GRM7: variants seen among roughly 807,000 people sequenced by gnomAD.
GRM7 encodes glutamate metabotropic receptor 7.
Under a neutral mutation model 84.5 loss-of-function variants are expected in GRM7, and 35 were observed. The observed-to-expected ratio is 0.41, with a 90% CI of 0.32 to 0.55. GRM7 has a LOEUF of 0.55. Ranked by LOEUF, GRM7 falls within the 20% of genes least tolerant of loss-of-function variation. GRM7 has a pLI of 0.19. For synonymous variants in GRM7, 487 were observed against 455.1 expected (o/e 1.07, Z -0.89); for missense variants, 1,003 against 1,194.6 (o/e 0.84, Z 2.36).
At chr3:7,300,556 TC>T (rs1488107283) in intron 3 of GRM7, among the ~76,000 whole-genome samples, 1 of 152,160 alleles carries the variant, frequency 6.6e-6, no homozygotes, top group Non-Finnish European at 1.5e-5. Flanking sequence ...TCTGGCTGTT[TC>T]ACCTTTCTAG....
intron 4 of GRM7, among the ~76,000 whole-genome samples, chr3:7,366,223 A>G (rs779715462): frequency 1.1e-4 from 17 of 151,854 alleles, no homozygotes; most frequent in Non-Finnish European, 2.5e-4. Context: ...TCTGGATTCT[A>G]CTATCTTCTG....
intron 1 of GRM7, among the ~76,000 whole-genome samples, chr3:7,134,977 C>T (rs189050193): frequency 3.3e-4 from 50 of 152,228 alleles, no homozygotes; most frequent in Non-Finnish European, 5.9e-4. Flanking sequence ...AAAATGGTTA[C>T]AAACCACTCA....
chr3:7,582,746 C>T (rs1209934496), intron 8 of GRM7, among the ~76,000 whole-genome samples: 1 of 152,110 alleles, frequency 6.6e-6, no homozygotes, highest in Non-Finnish European at 1.5e-5. Context: ...TATTGGCAAA[C>T]TTTGAGCCAG....
chr3:7,385,796 A>G (rs1222882937), intron 4 of GRM7, among the ~76,000 whole-genome samples: 1 of 152,264 alleles, frequency 6.6e-6, no homozygotes, highest in Non-Finnish European at 1.5e-5. Flanking sequence ...TTGTTGGCAG[A>G]AGCCAAATAT....
intron 7 of GRM7, among the ~76,000 whole-genome samples, chr3:7,565,948 T>G (rs1694235277): frequency 6.6e-6 from 1 of 152,170 alleles, no homozygotes. Flanking sequence ...ATTTCCTGCA[T>G]GACATAAACT....
At chr3:7,015,176 T>C (rs1355580335) in intron 1 of GRM7, among the ~76,000 whole-genome samples, 1 of 146,908 alleles carries the variant, frequency 6.8e-6, no homozygotes, top group Non-Finnish European at 1.5e-5. Flanking sequence ...TTGGGTCCCC[T>C]TCCCTGCTGT....
chr3:7,339,499 C>T (rs372711837), intron 4 of GRM7, among the ~76,000 whole-genome samples: 3 of 152,216 alleles, frequency 2.0e-5, no homozygotes, highest in East Asian at 1.9e-4. Flanking sequence ...CTGTGGAGTA[C>T]GGACAGTGTT....
chr3:6,910,470 C>G lies in GRM7; in HGVS notation c.519+48563C>G, dbSNP rs1696730071. Among the ~76,000 whole-genome samples the G allele has an allele frequency of 1.3e-5, 2 of 152,090 alleles. 1 individual carries two copies. The highest frequency in any genetic ancestry group is 4.1e-4 in the South Asian group (2 of 4,828). ...CCTCCTGAGTTAAAACAGAAGGGGA[C>G]ACAGGCAGTGTGCAAGGTTTCCTGG... On this transcript the variant is annotated intron_variant, in intron 1 of 9. Transcript: ENST00000357716.
chr3:7,119,431 C>G (rs1022407704), intron 1 of GRM7, among the ~76,000 whole-genome samples: 1 of 152,046 alleles, frequency 6.6e-6, no homozygotes, highest in Admixed American at 6.6e-5. Flanking sequence ...CTTGAGATTT[C>G]ACACACATGA....
intron 2 of GRM7, among the ~76,000 whole-genome samples, chr3:7,242,120 T>C (rs557171051): frequency 5.3e-5 from 8 of 152,290 alleles, no homozygotes; most frequent in Non-Finnish European, 1.0e-4. Flanking sequence ...TTTTATCTGA[T>C]TCCCTGCAGG....
intron 2 of GRM7, among the ~76,000 whole-genome samples, chr3:7,260,489 A>G (rs1698379163): frequency 6.6e-6 from 1 of 152,150 alleles, no homozygotes; most frequent in Admixed American, 6.5e-5. Flanking sequence ...GTTTGTGTGC[A>G]TAAAGGTGTT....
chr3:7,370,397 G>A (rs1694082437), intron 4 of GRM7, among the ~76,000 whole-genome samples: 1 of 152,072 alleles, frequency 6.6e-6, no homozygotes, highest in Admixed American at 6.6e-5. Flanking sequence ...ATCTCATCTT[G>A]AATTGTAGTT....
rs539699385 is a variant in GRM7 at position 7,478,591 on chromosome 3, T to G, written c.1515+16869T>G. 2.5e-3 allele frequency among the ~76,000 whole-genome samples: 377 copies of G among 152,270 alleles called. 1 individual carries two copies. The highest frequency in any genetic ancestry group is 4.2e-3 in the Non-Finnish European group (286 of 68,024). On this transcript the variant is annotated intron_variant, in intron 7 of 9. Transcript: ENST00000357716. ...GCAATCAATGAGTATGGTCAACAGC[T>G]CTTGATGAAATAGGGTCCTGAAGCC...
intron 1 of GRM7, among the ~76,000 whole-genome samples, chr3:7,077,867 T>C (rs1047827564): frequency 1.3e-5 from 2 of 152,188 alleles, no homozygotes; most frequent in African/African-American, 4.8e-5. Flanking sequence ...TATATGGCTC[T>C]GGGGATTTAA....
intron 1 of GRM7, among the ~76,000 whole-genome samples, chr3:6,915,362 T>C (rs958872740): frequency 6.6e-6 from 1 of 152,218 alleles, no homozygotes; most frequent in Admixed American, 6.5e-5. Flanking sequence ...TTATCCCATG[T>C]TGTACCTTGG....
intron 2 of GRM7, among the ~76,000 whole-genome samples, chr3:7,271,852 A>C (rs1053542305): frequency 6.6e-6 from 1 of 152,106 alleles, no homozygotes; most frequent in East Asian, 1.9e-4. Flanking sequence ...CTATCAACAC[A>C]TTTGTGTTGC....
chr3:7,719,489 T>C (rs1023408200), intron 9 of GRM7, among the ~76,000 whole-genome samples: 3 of 152,116 alleles, frequency 2.0e-5, no homozygotes, highest in African/African-American at 7.2e-5. Context: ...AGGCTGGCAA[T>C]CCCATGTCTT....
chr3:7,566,505 A>G (rs1257105226), intron 7 of GRM7, among the ~76,000 whole-genome samples: 2 of 152,210 alleles, frequency 1.3e-5, no homozygotes, highest in African/African-American at 4.8e-5. Context: ...GAATAAAAAT[A>G]TCTATCTTTG....
At chr3:7,646,694 G>A (rs9873311) in intron 8 of GRM7, among the ~76,000 whole-genome samples, 1 of 151,918 alleles carries the variant, frequency 6.6e-6, no homozygotes, top group East Asian at 1.9e-4. Flanking sequence ...GGTGATTTTG[G>A]GGGGGAAGGT....
Sources: gnomAD v4.1 joint callset for allele counts (sites outside exome capture counted in the v4.1 genomes callset) on GRCh38, gnomAD v4.1.1 for gene constraint, MANE v1.5 for transcripts, NCBI Gene and HGNC (gene_info 2026-07-23, HGNC 2026-07-21) for gene names.